GRB10: variants seen among roughly 807,000 people sequenced by gnomAD.
GRB10 encodes growth factor receptor-bound protein 10.
GRB10 carries 20 observed loss-of-function variants against 80.9 expected under a neutral mutation model. The observed-to-expected ratio is 0.25, with a 90% CI of 0.17 to 0.36. The LOEUF (loss-of-function observed/expected upper bound fraction) is 0.36. Ranked by LOEUF, GRB10 falls within the 10% of genes least tolerant of loss-of-function variation. The pLI, the probability that GRB10 is intolerant of heterozygous loss-of-function variation, is 1.00. For synonymous variants in GRB10, 291 were observed against 291.5 expected (o/e 1.00, Z 0.02); for missense variants, 548 against 747.7 (o/e 0.73, Z 3.12).
In GRB10 at chr7:50,608,162, C is replaced by T. The variant is rs575514132; in HGVS notation, c.1195-1748G>A. On this transcript the variant is annotated intron_variant, in intron 13 of 18. Coordinates refer to ENST00000401949, the MANE Select transcript of GRB10 (RefSeq NM_001350814.2). Reference sequence around the variant, plus strand: ...GGGTGTAGGATAAGTAAGCCCGCTCCGAGCATATATCATGGAAAAATTGCT... The same window carrying T: ...GGGTGTAGGATAAGTAAGCCCGCTCTGAGCATATATCATGGAAAAATTGCT... Among the ~76,000 whole-genome samples, 56 of 152,188 alleles carry T rather than the reference C, an allele frequency of 3.7e-4. 1 individual carries two copies. Among genetic ancestry groups the T allele is most frequent in the Non-Finnish European group, 6.6e-4 (45 of 68,006 alleles).
intron 4 of GRB10, among the ~76,000 whole-genome samples, chr7:50,724,620 T>C (rs1205912067): frequency 6.6e-6 from 1 of 152,158 alleles, no homozygotes; most frequent in East Asian, 1.9e-4. Context: ...TGTTGATTAG[T>C]TCTGGTCCTT....
chr7:50,686,279 C>T (rs1259432060), intron 5 of GRB10, among the ~76,000 whole-genome samples: 3 of 152,124 alleles, frequency 2.0e-5, no homozygotes, highest in Non-Finnish European at 2.9e-5. Context: ...GGCAAGAAGA[C>T]GCCATCTGTG....
intron 5 of GRB10, among the ~76,000 whole-genome samples, chr7:50,697,423 G>A (rs924425907): frequency 1.3e-5 from 2 of 152,110 alleles, no homozygotes; most frequent in Admixed American, 6.6e-5. Context: ...AGAAATGTGG[G>A]ATGCATTTTT....
At chr7:50,664,553 T>C (rs2059605458) in intron 7 of GRB10, among the ~76,000 whole-genome samples, 1 of 152,202 alleles carries the variant, frequency 6.6e-6, no homozygotes, top group Admixed American at 6.5e-5. Context: ...GAGCACATCC[T>C]TCTGTGGTGC....
At chr7:50,668,576 G>A (rs1415218844) in intron 7 of GRB10, among the ~76,000 whole-genome samples, 1 of 152,180 alleles carries the variant, frequency 6.6e-6, no homozygotes, top group Non-Finnish European at 1.5e-5. Flanking sequence ...ATTCATACGG[G>A]ATGGCATGAG....
intron 3 of GRB10, among the ~76,000 whole-genome samples, chr7:50,742,271 GCACACA>G (rs55813195): frequency 0.015 from 680 of 46,856 alleles, 4 homozygotes; most frequent in Middle Eastern, 0.024. Context: ...ACGCGCGCGC[GCACACA>G]CACACACACA....
intron 5 of GRB10, among the ~76,000 whole-genome samples, chr7:50,696,551 A>G (rs1286686809): frequency 1.3e-5 from 2 of 152,166 alleles, no homozygotes; most frequent in Non-Finnish European, 2.9e-5. Flanking sequence ...AGCTCTCTAC[A>G]GAGTCAACTC....
chr7:50,720,891 A>G (rs532177884), intron 4 of GRB10, among the ~76,000 whole-genome samples: 17 of 152,324 alleles, frequency 1.1e-4, no homozygotes, highest in Admixed American at 2.6e-4. Flanking sequence ...ATTATCCAAT[A>G]GCTTTTCTCT....
chr7:50,735,286 T>C (rs866427979), intron 3 of GRB10, among the ~76,000 whole-genome samples: 1 of 152,164 alleles, frequency 6.6e-6, no homozygotes, highest in African/African-American at 2.4e-5. Context: ...AACTAAAACA[T>C]TGCTAAAAGA....
chr7:50,742,747 A>G (rs2072122517), intron 3 of GRB10, among the ~76,000 whole-genome samples: 1 of 152,088 alleles, frequency 6.6e-6, no homozygotes, highest in African/African-American at 2.4e-5. Context: ...GGTGGGGGGT[A>G]ATAGTGTTAA....
intron 12 of GRB10, among the ~76,000 whole-genome samples, chr7:50,613,220 C>T (rs910809534): frequency 6.6e-6 from 1 of 152,162 alleles, no homozygotes; most frequent in African/African-American, 2.4e-5. Context: ...GAGAACCTGC[C>T]TTCTGACTTA....
At chr7:50,603,481 A>G (rs576940788) in intron 17 of GRB10, among the ~76,000 whole-genome samples, 1 of 152,340 alleles carries the variant, frequency 6.6e-6, no homozygotes, top group South Asian at 2.1e-4. Context: ...TTGCCACGGC[A>G]ACAGCTCACA....
chr7:50,598,390 G>A (rs576032993), intron 17 of GRB10, among the ~76,000 whole-genome samples: 1 of 152,152 alleles, frequency 6.6e-6, no homozygotes, highest in Non-Finnish European at 1.5e-5. Flanking sequence ...TTGTAAACAC[G>A]GCCCAGGATG....
intron 10 of GRB10, 174 bp downstream of exon 10, chr7:50,617,897 T>C (rs1382156223): frequency 9.0e-6 from 6 of 663,598 alleles, no homozygotes. Flanking sequence ...AAGGAAACTT[T>C]TAATTTCTGG....
chr7:50,777,104 C>T (rs1217218117), intron 2 of GRB10, among the ~76,000 whole-genome samples: 1 of 152,128 alleles, frequency 6.6e-6, no homozygotes, highest in Non-Finnish European at 1.5e-5. Flanking sequence ...TAGAAATTTA[C>T]TTCTCATGGT....
At chr7:50,708,566 G>C (rs111934335) in intron 4 of GRB10, among the ~76,000 whole-genome samples, 2,956 of 152,130 alleles carry the variant, frequency 0.019, 110 homozygotes, top group African/African-American at 0.068. Flanking sequence ...CATTGTGTTA[G>C]CTTGGTTTCC....
At chr7:50,793,421 G>C (rs1221842731) in exon 1 of GRB10, 1 of 148,484 alleles carries the variant, frequency 6.7e-6, no homozygotes, top group South Asian at 1.8e-4. Context: ...GAGCCCGCCC[G>C]GCCGCAGCTC....
At chr7:50,664,228 T>C (rs147303948) in intron 7 of GRB10, among the ~76,000 whole-genome samples, 51 of 152,202 alleles carry the variant, frequency 3.4e-4, no homozygotes, top group African/African-American at 1.2e-3. Flanking sequence ...GAGAAGGCCT[T>C]TGGGACAGCC....
At chr7:50,604,852 C>CTTCCCA (rs546680228) in intron 15 of GRB10, 194 of 289,812 alleles carry the variant, frequency 6.7e-4, no homozygotes, top group Non-Finnish European at 1.2e-3. Flanking sequence ...GAGTGATAGT[C>CTTCCCA]TTCCCACCTG....
Sources: gnomAD v4.1 joint callset for allele counts (sites outside exome capture counted in the v4.1 genomes callset) on GRCh38, gnomAD v4.1.1 for gene constraint, MANE v1.5 for transcripts, NCBI Gene and HGNC (gene_info 2026-07-23, HGNC 2026-07-21) for gene names.